Variants in CADM2 observed in about 807,000 individuals in gnomAD.
The protein encoded by CADM2 is immunoglobulin superfamily member 4D.
Under a neutral mutation model 49.8 loss-of-function variants are expected in CADM2, and 12 were observed. The observed-to-expected ratio is 0.24, with a 90% CI of 0.15 to 0.39. The LOEUF (loss-of-function observed/expected upper bound fraction) is 0.39. Ranked by LOEUF, CADM2 falls within the 10% of genes least tolerant of loss-of-function variation. The pLI, the probability that CADM2 is intolerant of heterozygous loss-of-function variation, is 1.00. For synonymous variants in CADM2, 214 were observed against 175.4 expected (o/e 1.22, Z -1.74); for missense variants, 378 against 492.3 (o/e 0.77, Z 2.20).
At chr3:85,529,858 C>T (rs1278049553) in intron 1 of CADM2, among the ~76,000 whole-genome samples, 2 of 152,090 alleles carry the variant, frequency 1.3e-5, no homozygotes, top group Non-Finnish European at 2.9e-5. Flanking sequence ...TAGAGACATT[C>T]TTTCTGAATT....
intron 1 of CADM2, among the ~76,000 whole-genome samples, chr3:85,290,219 C>T (rs556253483): frequency 6.6e-5 from 10 of 152,296 alleles, no homozygotes; most frequent in South Asian, 6.2e-4. Flanking sequence ...CCGAATACTG[C>T]GCTTTTCCGA....
At chr3:86,005,782 C>A (rs1176599784) in intron 8 of CADM2, among the ~76,000 whole-genome samples, 2 of 152,196 alleles carry the variant, frequency 1.3e-5, no homozygotes, top group East Asian at 1.9e-4. Flanking sequence ...AATAGTAGGT[C>A]TTTGTGCTGT....
At chr3:86,030,156 A>G (rs1734387535) in intron 8 of CADM2, among the ~76,000 whole-genome samples, 1 of 152,022 alleles carries the variant, frequency 6.6e-6, no homozygotes, top group Non-Finnish European at 1.5e-5. Flanking sequence ...GAATGTTTTT[A>G]TTATACTAAT....
chr3:85,883,169 A>G (rs1219597046), intron 3 of CADM2, 122 bp from the exon 4 acceptor site: 5 of 730,096 alleles, frequency 6.8e-6, no homozygotes, highest in African/African-American at 1.8e-5. Context: ...CTGTTCCAAG[A>G]AATAAGATTT....
Position 85,136,364 on chromosome 3 carries a change from C to A in CADM2, c.61+176696C>A, listed in dbSNP as rs144928025. Reference sequence around the variant, plus strand: ...GTGTGTGTGTGTGTGTGTGTAACTTCACTTTCTCTCTATCCATTCCACCTG... The same window carrying A: ...GTGTGTGTGTGTGTGTGTGTAACTTAACTTTCTCTCTATCCATTCCACCTG... On this transcript the variant is annotated intron_variant, in intron 1 of 9. Transcript: ENST00000383699. 2.8e-3 allele frequency among the ~76,000 whole-genome samples: 425 copies of A among 151,586 alleles called. 2 individuals carry two copies. The highest frequency in any genetic ancestry group is 9.8e-3 in the African/African-American group (407 of 41,432).
intron 1 of CADM2, among the ~76,000 whole-genome samples, chr3:85,657,763 T>TAG (rs1286208902): frequency 1.1e-4 from 13 of 122,240 alleles, no homozygotes; most frequent in African/African-American, 3.7e-4. Flanking sequence ...TATACACAGA[T>TAG]ATATATATAT....
chr3:86,058,777 C>G (rs1348651963), intron 8 of CADM2, among the ~76,000 whole-genome samples: 1 of 151,696 alleles, frequency 6.6e-6, no homozygotes, highest in Admixed American at 6.6e-5. Context: ...AATATAATAA[C>G]TTAATAAAGT....
At chr3:85,638,108 A>G (rs1312145442) in intron 1 of CADM2, among the ~76,000 whole-genome samples, 1 of 152,206 alleles carries the variant, frequency 6.6e-6, no homozygotes, top group Non-Finnish European at 1.5e-5. Flanking sequence ...TTGATTTGCA[A>G]CCATCATTAT....
At chr3:85,555,850 GA>G in intron 1 of CADM2, among the ~76,000 whole-genome samples, 1 of 152,134 alleles carries the variant, frequency 6.6e-6, no homozygotes, top group East Asian at 1.9e-4. Flanking sequence ...CTAGTTTATA[GA>G]TCAGATTGTA....
chr3:85,871,946 T>C (rs192184479), intron 3 of CADM2, among the ~76,000 whole-genome samples: 24 of 152,292 alleles, frequency 1.6e-4, no homozygotes, highest in Admixed American at 5.9e-4. Context: ...ACAAACAAAA[T>C]ACAGTTTATT....
intron 8 of CADM2, among the ~76,000 whole-genome samples, chr3:86,032,733 T>C (rs1734700786): frequency 6.6e-6 from 1 of 151,934 alleles, no homozygotes; most frequent in South Asian, 2.1e-4. Context: ...AATTTTACAT[T>C]TAGAACTTAT....
At chr3:85,006,031 A>G (rs897148651) in intron 1 of CADM2, among the ~76,000 whole-genome samples, 1 of 152,170 alleles carries the variant, frequency 6.6e-6, no homozygotes, top group Non-Finnish European at 1.5e-5. Flanking sequence ...CAGCAGAAGT[A>G]ACTGCAGACA....
intron 1 of CADM2, among the ~76,000 whole-genome samples, chr3:85,497,710 C>G (rs1220484560): frequency 6.6e-6 from 1 of 151,838 alleles, no homozygotes; most frequent in Non-Finnish European, 1.5e-5. Context: ...GAATTAAATC[C>G]TTTATTTTTC....
intron 1 of CADM2, among the ~76,000 whole-genome samples, chr3:85,511,356 G>T (rs946765324): frequency 1.3e-5 from 2 of 152,052 alleles, no homozygotes; most frequent in Non-Finnish European, 2.9e-5. Context: ...CTTGTAATTT[G>T]CAAACAGTGT....
At chr3:85,107,828 T>C (rs778599591) in intron 1 of CADM2, among the ~76,000 whole-genome samples, 1 of 151,516 alleles carries the variant, frequency 6.6e-6, no homozygotes, top group African/African-American at 2.4e-5. Flanking sequence ...GCCTCCCTAG[T>C]AGCTGGAACA....
intron 1 of CADM2, among the ~76,000 whole-genome samples, chr3:85,559,004 A>C (rs1382656865): frequency 2.0e-5 from 3 of 152,064 alleles, no homozygotes; most frequent in Non-Finnish European, 2.9e-5. Flanking sequence ...ATTATATGAG[A>C]GTTAGATTGA....
At chr3:85,859,519 A>C (rs1242136143) in intron 3 of CADM2, among the ~76,000 whole-genome samples, 1 of 152,144 alleles carries the variant, frequency 6.6e-6, no homozygotes, top group East Asian at 1.9e-4. Context: ...GGCATGAGCC[A>C]CTGTGCCTGG....
At chr3:85,146,438 G>A (rs2039743500) in intron 1 of CADM2, among the ~76,000 whole-genome samples, 1 of 151,924 alleles carries the variant, frequency 6.6e-6, no homozygotes, top group South Asian at 2.1e-4. Context: ...ACAAATACAA[G>A]CAAATCATTC....
At position 86,052,537 on chromosome 3, in the gene CADM2, T is replaced by C. The variant is rs539037911; in HGVS notation, c.971-13068T>C. Among the ~76,000 whole-genome samples, 463 of 152,252 alleles carry C rather than the reference T, an allele frequency of 3.0e-3. 2 individuals are homozygous for C. Among genetic ancestry groups the C allele is most frequent in the African/African-American group, 0.011 (453 of 41,566 alleles). ...CAATAATTGTTAAAATGAATAATTA[T>C]ATTTTATGTATAACAAGAATTTAAG... is the stretch of plus-strand genomic sequence containing the variant. On this transcript the variant is annotated intron_variant, in intron 8 of 9. Transcript: ENST00000383699.
Sources: allele counts gnomAD v4.1 joint callset (sites outside exome capture counted in the v4.1 genomes callset), GRCh38; gene constraint gnomAD v4.1.1; transcripts MANE v1.5; gene names NCBI Gene and HGNC (gene_info 2026-07-23, HGNC 2026-07-21).